Variants in ERGIC1 observed in about 807,000 individuals in gnomAD.
ERGIC1 encodes endoplasmic reticulum-Golgi intermediate compartment protein 1.
A neutral mutation model predicts 38.3 loss-of-function variants in ERGIC1; 19 were observed. That is an observed-to-expected ratio of 0.50 (90% CI 0.35 to 0.73). ERGIC1 has a LOEUF of 0.73. ERGIC1 is among the 30% of genes least tolerant of loss of function. ERGIC1 has a pLI of 0.01. For missense variants in ERGIC1, 294 were observed against 389.2 expected (o/e 0.76, Z 2.06); for synonymous variants, 124 against 157.6 (o/e 0.79, Z 1.60).
At chr5:172,866,795 G>A (rs1481942548) in intron 1 of ERGIC1, among the ~76,000 whole-genome samples, 1 of 152,254 alleles carries the variant, frequency 6.6e-6, no homozygotes, top group African/African-American at 2.4e-5. Flanking sequence ...CGGCCCAGGG[G>A]CCTTCCCCGA....
intron 1 of ERGIC1, among the ~76,000 whole-genome samples, chr5:172,842,120 C>T (rs1266204045): frequency 1.3e-5 from 2 of 152,208 alleles, no homozygotes; most frequent in Non-Finnish European, 2.9e-5. Context: ...AATCTCGGCT[C>T]ACTGCAACCT....
At chr5:172,835,948 C>G (rs1201993627) in intron 1 of ERGIC1, among the ~76,000 whole-genome samples, 1 of 152,244 alleles carries the variant, frequency 6.6e-6, no homozygotes, top group Non-Finnish European at 1.5e-5. Flanking sequence ...ACATCAATTT[C>G]TGGTTCCACA....
At position 172,932,483 on chromosome 5, in the gene ERGIC1, G is replaced by A; in HGVS notation, c.589G>A (p.Glu197Lys). 1 of 1,614,202 alleles carries A rather than the reference G, an allele frequency of 6.2e-7. No homozygotes were observed. Among genetic ancestry groups the A allele is most frequent in the Non-Finnish European group, 8.5e-7 (1 of 1,180,042 alleles). ...CCTGAAGATTGTGCCCACGGTTTAT[G>A]AGGACAAGAGTGGCAAGCAGCGGTA... Reference protein sequence around the residue: ...YILKIVPTVYEDKSGKQRYSY... With the variant: ...YILKIVPTVYKDKSGKQRYSY... The change falls in exon 8 of 10, where the codon GAG becomes AAG. Residue 197 changes from glutamate (E) to lysine (K), a missense_variant. Physicochemically the swap from Glu to Lys is moderately conservative, Grantham distance 56 (BLOSUM62 1). Coordinates refer to ENST00000393784, the MANE Select transcript of ERGIC1 (RefSeq NM_001031711.3).
At chr5:172,914,441 TACCTGAGGCAGG>T in intron 4 of ERGIC1, 7 of 550,594 alleles carry the variant, frequency 1.3e-5, no homozygotes, top group Non-Finnish European at 2.3e-5. Context: ...AGAGGTTAAG[TACCTGAGGCAGG>T]ACCCAGATTC....
In ERGIC1 at chr5:172,951,758, T is replaced by C. The variant is rs1764235336; in HGVS notation, c.*942T>C. The stretch of plus-strand genomic sequence containing the variant: ...CTTACGTCCAGATGGGAAGCATCCT[T>C]CCTGCAACCCTAAAATAATCATGCA... On this transcript the variant is annotated 3_prime_UTR_variant, in exon 10 of 10. Coordinates refer to ENST00000393784, the MANE Select transcript of ERGIC1 (RefSeq NM_001031711.3). 1 of 152,368 alleles carries C rather than the reference T, an allele frequency of 6.6e-6. No individual in the cohort carries two copies. The highest frequency in any genetic ancestry group is 1.5e-5 in the Non-Finnish European group (1 of 68,136). 9.4% of individuals were successfully genotyped at this position (152,368 alleles called of 1,614,324 possible).
chr5:172,883,110 C>A (rs1762325818), intron 1 of ERGIC1, among the ~76,000 whole-genome samples: 1 of 152,102 alleles, frequency 6.6e-6, no homozygotes, highest in African/African-American at 2.4e-5. Context: ...GCATCTCTGT[C>A]TTTCATGTTT....
chr5:172,924,423 C>G (rs928401260), intron 6 of ERGIC1, among the ~76,000 whole-genome samples: 6 of 152,190 alleles, frequency 3.9e-5, no homozygotes, highest in African/African-American at 1.4e-4. Flanking sequence ...CCGAGATGGT[C>G]CAGGGCACAA....
chr5:172,880,796 G>T (rs1023694270), intron 1 of ERGIC1, among the ~76,000 whole-genome samples: 2 of 152,226 alleles, frequency 1.3e-5, no homozygotes, highest in Non-Finnish European at 2.9e-5. Flanking sequence ...GGCCCTATGG[G>T]GTCTCTGTTT....
At chr5:172,877,903 A>G (rs1047695059) in intron 1 of ERGIC1, among the ~76,000 whole-genome samples, 1 of 152,152 alleles carries the variant, frequency 6.6e-6, no homozygotes, top group Non-Finnish European at 1.5e-5. Flanking sequence ...GCCCAGCAAG[A>G]GTGGAAGACC....
chr5:172,942,932 A>G (rs947102760), intron 9 of ERGIC1, among the ~76,000 whole-genome samples: 3 of 152,216 alleles, frequency 2.0e-5, no homozygotes, highest in Admixed American at 6.5e-5. Context: ...GATTCCCTGC[A>G]TGGAAGCTAT....
chr5:172,853,714 C>G (rs1348911280), intron 1 of ERGIC1, among the ~76,000 whole-genome samples: 3 of 152,228 alleles, frequency 2.0e-5, no homozygotes, highest in Admixed American at 1.3e-4. Flanking sequence ...GAAGCAGGAG[C>G]CTTGGGCCTT....
rs1055522372 is a variant in ERGIC1, at chr5:172,837,034, C to T, written c.20+2601C>T. Among the ~76,000 whole-genome samples, 38 of 152,150 alleles carry T rather than the reference C, an allele frequency of 2.5e-4. No homozygotes were observed. Among genetic ancestry groups the T allele is most frequent in the African/African-American group, 8.4e-4 (35 of 41,422 alleles). ...GGAGAGATTGGAGGGGCCCACCATC[C>T]TGTCAGCTCTTTTAAGAATTGTGGG... On this transcript the variant is annotated intron_variant, in intron 1 of 9. Transcript: ENST00000393784. The surrounding 1 kb of genome is among the most constrained non-coding windows in gnomAD (Gnocchi z 4.3).
intron 9 of ERGIC1, among the ~76,000 whole-genome samples, chr5:172,940,936 C>G (rs542059753): frequency 6.6e-6 from 1 of 152,350 alleles, no homozygotes; most frequent in East Asian, 1.9e-4. Context: ...AGGGCCTGAC[C>G]TGGACACAGG....
At chr5:172,932,704 C>T in intron 8 of ERGIC1, 168 bp downstream of exon 8, 2 of 631,356 alleles carry the variant, frequency 3.2e-6, no homozygotes, top group Non-Finnish European at 5.5e-6. Context: ...ATTGAAAAGC[C>T]CAGTCCCTGC....
intron 5 of ERGIC1, chr5:172,916,304 T>TA (rs1051917055): frequency 1.8e-4 from 28 of 152,368 alleles, no homozygotes; most frequent in African/African-American, 6.0e-4. Flanking sequence ...GAGGAGGAGA[T>TA]ACCAGGAGGC....
At chr5:172,842,800 A>G (rs1347020398) in intron 1 of ERGIC1, among the ~76,000 whole-genome samples, 1 of 152,148 alleles carries the variant, frequency 6.6e-6, no homozygotes, top group Non-Finnish European at 1.5e-5. Flanking sequence ...GGCCATTTGT[A>G]TGTCTTGTTT....
intron 1 of ERGIC1, among the ~76,000 whole-genome samples, chr5:172,851,216 A>T (rs533994621): frequency 0.018 from 2,692 of 147,332 alleles, 38 homozygotes; most frequent in Non-Finnish European, 0.028. Flanking sequence ...AAAAAAAAAA[A>T]AAAATTAAAA....
At chr5:172,868,268 T>G (rs961592811) in intron 1 of ERGIC1, among the ~76,000 whole-genome samples, 7 of 152,180 alleles carry the variant, frequency 4.6e-5, no homozygotes, top group African/African-American at 1.7e-4. Context: ...TCCAAAGTCA[T>G]GCAGCTAATG....
chr5:172,942,430 C>T (rs370004610), intron 9 of ERGIC1, among the ~76,000 whole-genome samples: 1 of 152,116 alleles, frequency 6.6e-6, no homozygotes. Flanking sequence ...ACCAGGGAAG[C>T]TCCACGAGCT....
Sources: gnomAD v4.1 joint callset for allele counts (sites outside exome capture counted in the v4.1 genomes callset) on GRCh38, gnomAD v4.1.1 for gene constraint, Gnocchi (gnomAD v3.1) non-coding constraint, MANE v1.5 for transcripts, NCBI Gene and HGNC (gene_info 2026-07-23, HGNC 2026-07-21) for gene names.